MAP4: variants seen among roughly 807,000 people sequenced by gnomAD.
MAP4 encodes the protein microtubule associated protein 4.
A neutral mutation model predicts 170.2 loss-of-function variants in MAP4; 76 were observed. That is an observed-to-expected ratio of 0.45 (90% CI 0.37 to 0.54). The LOEUF is 0.54. Among genes scored for constraint, MAP4 ranks in the 20% least tolerant of loss-of-function variants. The pLI, the probability that MAP4 is intolerant of heterozygous loss-of-function variation, is 0.00. For synonymous variants in MAP4, 909 were observed against 994.5 expected (o/e 0.91, Z 1.62); for missense variants, 2,506 against 2,748.0 (o/e 0.91, Z 1.97).
intron 7 of MAP4, among the ~76,000 whole-genome samples, chr3:47,915,503 GA>G (rs2100038269): frequency 6.6e-6 from 1 of 152,106 alleles, no homozygotes; most frequent in African/African-American, 2.4e-5. Context: ...AAATTGGTAT[GA>G]GGGGCAAAAA....
At chr3:48,032,331 C>A (rs1303424902) in intron 1 of MAP4, among the ~76,000 whole-genome samples, 2 of 151,570 alleles carry the variant, frequency 1.3e-5, no homozygotes, top group Non-Finnish European at 2.9e-5. Flanking sequence ...TGCATTTCTA[C>A]TAAAAAAAAA....
chr3:47,957,177 T>C (rs568296067), intron 3 of MAP4, among the ~76,000 whole-genome samples: 1 of 152,136 alleles, frequency 6.6e-6, no homozygotes, highest in Non-Finnish European at 1.5e-5. Context: ...TGCGGCTGCT[T>C]CTTTTTTTGA....
chr3:47,982,086 A>G (rs186036285), intron 2 of MAP4, among the ~76,000 whole-genome samples: 1 of 152,282 alleles, frequency 6.6e-6, no homozygotes, highest in Admixed American at 6.5e-5. Flanking sequence ...GGAATTCGAG[A>G]CCAGCCTGGT....
At chr3:47,897,493 T>C (rs1338823619) in intron 10 of MAP4, among the ~76,000 whole-genome samples, 3 of 152,198 alleles carry the variant, frequency 2.0e-5, no homozygotes, top group Non-Finnish European at 4.4e-5. Context: ...TTAATTCTTT[T>C]GTGATCACTC....
At chr3:48,067,965 T>C (rs892301218) in intron 1 of MAP4, among the ~76,000 whole-genome samples, 2 of 152,052 alleles carry the variant, frequency 1.3e-5, no homozygotes, top group African/African-American at 4.8e-5. Context: ...TTAAAAACTA[T>C]TTTAAATAAT....
At chr3:47,940,074 G>A (rs1362279073) in intron 3 of MAP4, among the ~76,000 whole-genome samples, 1 of 152,070 alleles carries the variant, frequency 6.6e-6, no homozygotes, top group Non-Finnish European at 1.5e-5. Flanking sequence ...CTGACCTCAG[G>A]TGAGCCACCC....
At chr3:48,080,702 C>T (rs1219807772) in intron 1 of MAP4, among the ~76,000 whole-genome samples, 2 of 152,114 alleles carry the variant, frequency 1.3e-5, no homozygotes, top group Non-Finnish European at 2.9e-5. Context: ...ATAAATAGGC[C>T]GGGTGCAGTG....
Position 47,917,561 on chromosome 3 carries a change from G to A in MAP4, c.653-387C>T, listed in dbSNP as rs556139112. Among the ~76,000 whole-genome samples, 6 of 149,192 alleles carry A rather than the reference G, an allele frequency of 4.0e-5. No homozygotes were observed. The South Asian group carries it at 1.3e-3, about 32-fold the overall frequency. On this transcript the variant is annotated intron_variant, in intron 6 of 20. Transcript: ENST00000683076. ...AGATCACGGCATTGCACTCCAGCCT[G>A]GGGGACAGGGCAAGAGTCCGTCTCA...
chr3:48,043,051 T>C (rs1163711271), intron 1 of MAP4, among the ~76,000 whole-genome samples: 2 of 152,210 alleles, frequency 1.3e-5, no homozygotes, highest in African/African-American at 2.4e-5. Context: ...ACTGCACTAA[T>C]GGTGCACATG....
At chr3:47,988,093 C>A (rs1578855691) in intron 2 of MAP4, among the ~76,000 whole-genome samples, 1 of 151,742 alleles carries the variant, frequency 6.6e-6, no homozygotes, top group South Asian at 2.1e-4. Context: ...ACTCAGGAGG[C>A]TGAGGCAGGA....
intron 1 of MAP4, among the ~76,000 whole-genome samples, chr3:48,058,825 G>C (rs2154556385): frequency 6.6e-6 from 1 of 152,132 alleles, no homozygotes; most frequent in South Asian, 2.1e-4. Flanking sequence ...TGTCGCCCAG[G>C]CTGGAGTGCA....
At chr3:48,014,207 C>G (rs2100106678) in intron 1 of MAP4, among the ~76,000 whole-genome samples, 1 of 152,158 alleles carries the variant, frequency 6.6e-6, no homozygotes, top group Non-Finnish European at 1.5e-5. Context: ...ACAGATTAAA[C>G]AGTGTTAATA....
At chr3:47,894,376 A>T (rs2100025668) in intron 10 of MAP4, among the ~76,000 whole-genome samples, 1 of 152,066 alleles carries the variant, frequency 6.6e-6, no homozygotes, top group African/African-American at 2.4e-5. Context: ...AGGTCAGGAG[A>T]TCGAGACCAT....
intron 10 of MAP4, among the ~76,000 whole-genome samples, chr3:47,885,398 CAATT>C (rs2097412892): frequency 6.6e-6 from 1 of 150,666 alleles, no homozygotes; most frequent in Admixed American, 6.6e-5. Flanking sequence ...ATCAATCAAT[CAATT>C]CATCAGTCCC....
chr3:48,052,775 CCAGA>C (rs2100128597), intron 1 of MAP4, among the ~76,000 whole-genome samples: 1 of 152,104 alleles, frequency 6.6e-6, no homozygotes, highest in Non-Finnish European at 1.5e-5. Context: ...GGGTTCACAG[CCAGA>C]CAGTGATGAA....
chr3:47,941,195 C>T (rs2100056088), intron 3 of MAP4, among the ~76,000 whole-genome samples: 3 of 97,460 alleles, frequency 3.1e-5, no homozygotes, highest in Non-Finnish European at 5.6e-5. Flanking sequence ...TCAGCCTGGG[C>T]AACATAATGA....
At chr3:47,864,538 A>T (rs1190094693) in intron 17 of MAP4, among the ~76,000 whole-genome samples, 1 of 152,110 alleles carries the variant, frequency 6.6e-6, no homozygotes, top group African/African-American at 2.4e-5. Flanking sequence ...TTAGCTGGGC[A>T]TTGTGGCGGG....
intron 17 of MAP4, among the ~76,000 whole-genome samples, chr3:47,860,888 G>A (rs577456818): frequency 9.9e-4 from 150 of 152,118 alleles, no homozygotes; most frequent in Non-Finnish European, 1.9e-3. Flanking sequence ...CCAGATTCTA[G>A]GACAAACCAC....
intron 9 of MAP4, among the ~76,000 whole-genome samples, chr3:47,905,759 T>C (rs779504510): frequency 2.0e-5 from 3 of 151,982 alleles, no homozygotes; most frequent in Non-Finnish European, 2.9e-5. Flanking sequence ...TTTGGGAGGC[T>C]GAGGCAAGTG....
Sources: gnomAD v4.1 joint callset for allele counts (sites outside exome capture counted in the v4.1 genomes callset) on GRCh38, gnomAD v4.1.1 for gene constraint, MANE v1.5 for transcripts, NCBI Gene and HGNC (gene_info 2026-07-23, HGNC 2026-07-21) for gene names.